Variants in CCDC13 observed in about 807,000 individuals in gnomAD.
The protein encoded by CCDC13 is coiled-coil domain containing 13.
CCDC13 carries 70 observed loss-of-function variants against 87.3 expected under a neutral mutation model. The observed-to-expected ratio is 0.80, with a 90% CI of 0.66 to 0.98. The LOEUF (loss-of-function observed/expected upper bound fraction) is 0.98. Ranked by LOEUF, CCDC13 falls within the 50% of genes least tolerant of loss-of-function variation. The pLI, the probability that CCDC13 is intolerant of heterozygous loss-of-function variation, is 0.00. For synonymous variants in CCDC13, 317 were observed against 360.3 expected (o/e 0.88, Z 1.36); for missense variants, 842 against 892.0 (o/e 0.94, Z 0.71).
chr3:42,751,950 C>T lies in CCDC13; in HGVS notation c.589G>A (p.Gly197Arg). 1 of 1,612,142 alleles carries T rather than the reference C, an allele frequency of 6.2e-7. No homozygotes were observed. The highest frequency in any genetic ancestry group is 8.5e-7 in the Non-Finnish European group (1 of 1,179,958). Residue 197 changes from glycine (G) to arginine (R), a missense_variant, in exon 5 of 16, where the codon GGA becomes AGA. Transcript: ENST00000310232. The stretch of plus-strand genomic sequence containing the variant: ...AGAATTCATACCAATGCTCTGTCTC[C>T]CATCTGGGCCCTCGGTGGCTTGGCT... ...AGAKPPRAQM[G>R]DRALLETPEV...
intron 9 of CCDC13, among the ~76,000 whole-genome samples, chr3:42,738,433 T>C (rs926949099): frequency 6.6e-6 from 1 of 152,234 alleles, no homozygotes; most frequent in Non-Finnish European, 1.5e-5. Context: ...AGTAGTTTTT[T>C]CCAATTCTGT....
intron 1 of CCDC13, among the ~76,000 whole-genome samples, chr3:42,771,298 C>T (rs1484547637): frequency 6.6e-6 from 1 of 152,178 alleles, no homozygotes; most frequent in African/African-American, 2.4e-5. Context: ...TTGTAAATCC[C>T]TTCTAAATGA....
intron 8 of CCDC13, 133 bp downstream of exon 8, chr3:42,742,761 ACC>A (rs990958651): frequency 2.9e-5 from 31 of 1,072,006 alleles, no homozygotes; most frequent in Non-Finnish European, 3.5e-5. Context: ...TGCAGAGGTG[ACC>A]CAGGTCCCCA....
chr3:42,740,154 C>T (rs893043524), intron 8 of CCDC13, among the ~76,000 whole-genome samples: 1 of 152,176 alleles, frequency 6.6e-6, no homozygotes, highest in Non-Finnish European at 1.5e-5. Context: ...TACCCCTAAG[C>T]CCCTCCCCAA....
intron 1 of CCDC13, among the ~76,000 whole-genome samples, chr3:42,769,095 G>A (rs986159555): frequency 6.6e-6 from 1 of 152,086 alleles, no homozygotes. Context: ...CCGAGATCAT[G>A]CCATTGCACT....
rs773598757 is a variant in CCDC13 at position 42,713,300 on chromosome 3, T to C, written c.1735A>G (p.Ser579Gly). ...VLQKRVEESN[S>G]KLLESERKLQ... The stretch of plus-strand genomic sequence containing the variant: ...TTCCTCTCTGACTCCAGGAGCTTGC[T>C]GTTGCTCTCCTCCACCCTGGTGATT... The change falls in exon 14 of 16, where the codon AGC (serine) becomes GGC (glycine). Residue 579 changes from serine to glycine, a missense_variant. By Grantham distance (56) the Ser-to-Gly change is moderately conservative. Coordinates refer to ENST00000310232, the MANE Select transcript of CCDC13 (RefSeq NM_144719.4). 1.9e-6 allele frequency: 3 copies of C among 1,614,062 alleles called. No individual in the cohort carries two copies. The highest frequency in any genetic ancestry group is 1.7e-4 in the Middle Eastern group (1 of 6,058).
chr3:42,757,283 A>C (rs1699725220), intron 2 of CCDC13, 69 bp from the exon 3 acceptor site: 2 of 1,487,362 alleles, frequency 1.3e-6, no homozygotes, highest in Non-Finnish European at 1.8e-6. Context: ...TCAGGCCTCC[A>C]CTGCCTAGGT....
chr3:42,705,417 C>G (rs908482744), downstream of CCDC13, among the ~76,000 whole-genome samples: 1 of 152,196 alleles, frequency 6.6e-6, no homozygotes, highest in Non-Finnish European at 1.5e-5. Context: ...GCCCCAGAGG[C>G]CCCTGTGGGG....
rs1409128845 is a variant in CCDC13 at position 42,739,641 on chromosome 3, G to T, written c.1157C>A (p.Ala386Asp). The T allele has an allele frequency of 6.2e-7, 1 of 1,613,762 alleles. No homozygotes were observed. Among genetic ancestry groups the T allele is most frequent in the African/African-American group, 1.3e-5 (1 of 75,058 alleles). ...KGRHDDELIDALMDQLKQLQE... is the reference protein window; with the variant it reads ...KGRHDDELIDDLMDQLKQLQE... ...TGAGTGGTGGGGCCATACCATGAGG[G>T]CGTCGATGAGCTCGTCATCATGCCG... Residue 386 changes from alanine (A) to aspartate (D), a missense_variant, in exon 9 of 16, where the codon GCC (alanine) becomes GAC (aspartate). Transcript: ENST00000310232.
rs1163688388 is a variant in CCDC13, at chr3:42,707,022, C to T, written c.*1958G>A. 6.6e-6 allele frequency among the ~76,000 whole-genome samples: 1 copy of T among 152,208 alleles called. No individual in the cohort carries two copies. The highest frequency in any genetic ancestry group is 1.5e-5 in the Non-Finnish European group (1 of 68,040). ...TAGCCCAGGAAGGGCAGCAGAACCACCCTGAAGTGGCTGGAGTGTGGGTCA... is the reference window on the plus strand; with the variant it reads ...TAGCCCAGGAAGGGCAGCAGAACCATCCTGAAGTGGCTGGAGTGTGGGTCA... On this transcript the variant is annotated 3_prime_UTR_variant, in exon 16 of 16. Coordinates refer to ENST00000310232, the MANE Select transcript of CCDC13 (RefSeq NM_144719.4).
At chr3:42,772,613 G>A (rs1361253295) in intron 1 of CCDC13, among the ~76,000 whole-genome samples, 1 of 152,184 alleles carries the variant, frequency 6.6e-6, no homozygotes, top group East Asian at 1.9e-4. Context: ...GCCCACGGAT[G>A]CCTAGTTTGG....
chr3:42,737,037 A>C (rs1052376698), intron 9 of CCDC13, among the ~76,000 whole-genome samples: 1 of 152,058 alleles, frequency 6.6e-6, no homozygotes, highest in Non-Finnish European at 1.5e-5. Flanking sequence ...TACATTAGGT[A>C]TTTCTCCTAA....
At position 42,751,940 on chromosome 3, in the gene CCDC13, G is replaced by A. The variant is rs1699591685; in HGVS notation, c.599C>T (p.Ala200Val). The change falls in exon 5 of 16, where the codon GCA becomes GTA. Residue 200 changes from alanine (A) to valine (V), a missense_variant. By Grantham distance (64) the Ala-to-Val change is moderately conservative (BLOSUM62 0). Coordinates refer to ENST00000310232, the MANE Select transcript of CCDC13 (RefSeq NM_144719.4). Reference protein sequence around the residue: ...KPPRAQMGDRALLETPEVKAL... With the variant: ...KPPRAQMGDRVLLETPEVKAL... ...AGCACAGAAGAGAATTCATACCAAT[G>A]CTCTGTCTCCCATCTGGGCCCTCGG... The A allele has an allele frequency of 6.2e-7, 1 of 1,611,674 alleles. No homozygotes were observed. The highest frequency in any genetic ancestry group is 1.3e-5 in the African/African-American group (1 of 75,064).
chr3:42,715,824 A>G (rs12487055), intron 13 of CCDC13, among the ~76,000 whole-genome samples: 33,770 of 151,982 alleles, frequency 0.22, 4,014 homozygotes, highest in African/African-American at 0.29. Flanking sequence ...CCCCACTTCA[A>G]CTTTCCCCAT....
chr3:42,727,074 C>A (rs1256668292), intron 13 of CCDC13, among the ~76,000 whole-genome samples: 1 of 152,040 alleles, frequency 6.6e-6, no homozygotes, highest in Admixed American at 6.6e-5. Flanking sequence ...AAAATAAAGA[C>A]ATTTAAAAAT....
chr3:42,751,894 T>A lies in CCDC13; in HGVS notation c.603+42A>T, dbSNP rs745347944. On this transcript the variant is annotated intron_variant, in intron 5 of 15. Coordinates refer to ENST00000310232, the MANE Select transcript of CCDC13 (RefSeq NM_144719.4). Reference sequence around the variant, plus strand: ...GTGGAGGAGGGGAGGCCCAGGCCCATGGCTGCCTCACAGACTTCCCAGCAC... The same window carrying A: ...GTGGAGGAGGGGAGGCCCAGGCCCAAGGCTGCCTCACAGACTTCCCAGCAC... 1.8e-5 allele frequency: 29 copies of A among 1,572,708 alleles called. No homozygotes were observed. The South Asian group carries it at 3.0e-4, about 16-fold the overall frequency.
chr3:42,734,817 C>A (rs1314355620), intron 10 of CCDC13, among the ~76,000 whole-genome samples: 2 of 152,342 alleles, frequency 1.3e-5, no homozygotes, highest in East Asian at 1.9e-4. Flanking sequence ...CCCACCACCA[C>A]CCCAGGGAGG....
chr3:42,712,940 G>A (rs974945640), intron 14 of CCDC13, among the ~76,000 whole-genome samples: 4 of 152,224 alleles, frequency 2.6e-5, no homozygotes, highest in African/African-American at 9.6e-5. Flanking sequence ...AGGTGGCCAG[G>A]CCAGGGCCAC....
chr3:42,750,466 G>GTTGT (rs1201692246), intron 5 of CCDC13, among the ~76,000 whole-genome samples: 4 of 152,086 alleles, frequency 2.6e-5, no homozygotes, highest in African/African-American at 7.2e-5. Context: ...GGTTGTTGTA[G>GTTGT]TTGTTTGTTT....
Sources: gnomAD v4.1 joint callset for allele counts (sites outside exome capture counted in the v4.1 genomes callset) on GRCh38, gnomAD v4.1.1 for gene constraint, MANE v1.5 for transcripts, NCBI Gene and HGNC (gene_info 2026-07-23, HGNC 2026-07-21) for gene names.